Variants in SHISA6 observed in about 807,000 individuals in gnomAD.
SHISA6 encodes shisa family member 6, also known as protein shisa-6.
SHISA6 carries 22 observed loss-of-function variants against 47.9 expected under a neutral mutation model. The ratio of observed to expected loss-of-function variants is 0.46; its 90% confidence interval spans 0.33 to 0.66. The LOEUF (loss-of-function observed/expected upper bound fraction) is 0.66. Ranked by LOEUF, SHISA6 falls within the 30% of genes least tolerant of loss-of-function variation. The pLI is 0.02. For missense variants in SHISA6, 680 were observed against 764.6 expected (o/e 0.89, Z 1.30); for synonymous variants, 388 against 337.8 (o/e 1.15, Z -1.63).
chr17:11,331,964 T>C (rs143171842), intron 2 of SHISA6, among the ~76,000 whole-genome samples: 60 of 152,234 alleles, frequency 3.9e-4, no homozygotes, highest in Middle Eastern at 6.8e-3. Context: ...ACACTGCCGG[T>C]GGAGCGGAAT....
rs569371825 is a variant in SHISA6 at position 11,348,173 on chromosome 17, C to T, written c.800-31241C>T. ...GGTGAAACTGCATTTAATTGGGCCCCATTGCTTTGAAATTTGTGAAGGTCT... is the reference window on the plus strand; with the variant it reads ...GGTGAAACTGCATTTAATTGGGCCCTATTGCTTTGAAATTTGTGAAGGTCT... On this transcript the variant is annotated intron_variant, in intron 2 of 5. Transcript: ENST00000441885. Among the ~76,000 whole-genome samples the T allele has an allele frequency of 3.9e-5, 6 of 152,228 alleles. No individual in the cohort carries two copies. In the South Asian group the frequency reaches 1.2e-3, roughly 32 times the overall value.
chr17:11,403,355 A>C (rs1294522544), intron 3 of SHISA6, among the ~76,000 whole-genome samples: 1 of 152,190 alleles, frequency 6.6e-6, no homozygotes, highest in Non-Finnish European at 1.5e-5. Flanking sequence ...CCACAGAGCC[A>C]CTACACTGCA....
chr17:11,269,143 G>T (rs1221324388), intron 2 of SHISA6, among the ~76,000 whole-genome samples: 1 of 151,988 alleles, frequency 6.6e-6, no homozygotes, highest in Non-Finnish European at 1.5e-5. Context: ...CTGGGTTCAA[G>T]TGATTCTCCT....
chr17:11,461,166 G>A (rs1194555424), intron 3 of SHISA6, among the ~76,000 whole-genome samples: 1 of 152,150 alleles, frequency 6.6e-6, no homozygotes, highest in African/African-American at 2.4e-5. Flanking sequence ...AGGAGGCGGA[G>A]GCAGGCGGAT....
chr17:11,252,609 G>A (rs1025525821), intron 1 of SHISA6, among the ~76,000 whole-genome samples: 1 of 152,168 alleles, frequency 6.6e-6, no homozygotes, highest in African/African-American at 2.4e-5. Flanking sequence ...AGGCAGGTTG[G>A]TGGCCAAACA....
intron 3 of SHISA6, among the ~76,000 whole-genome samples, chr17:11,543,260 T>C (rs528466023): frequency 6.6e-6 from 1 of 152,242 alleles, no homozygotes; most frequent in Admixed American, 6.5e-5. Flanking sequence ...TGTATACATA[T>C]ATATAGAGAG....
intron 3 of SHISA6, among the ~76,000 whole-genome samples, chr17:11,415,837 T>G (rs1914265427): frequency 6.6e-6 from 1 of 152,324 alleles, no homozygotes; most frequent in South Asian, 2.1e-4. Flanking sequence ...TATGTTTGCC[T>G]TAGTGAGTTT....
Position 11,551,897 on chromosome 17 carries a change from T to A in SHISA6, c.897T>A (p.Gly299=). Residue 299 remains glycine (G), a splice_region_variant and synonymous_variant, in exon 4 of 6, where the codon GGT becomes GGA. Coordinates refer to ENST00000441885, the MANE Select transcript of SHISA6 (RefSeq NM_207386.4). ...AAATTTCTTTTCTATGATTTTCAGG[T>A]GATCATCAATATAACCATCCGATTT... ...FVTLGRGHTK[G]DHQYNHPILS... 1.9e-6 allele frequency: 3 copies of A among 1,551,664 alleles called. No individual in the cohort carries two copies. Among genetic ancestry groups the A allele is most frequent in the Non-Finnish European group, 2.6e-6 (3 of 1,146,956 alleles).
At chr17:11,506,009 C>G (rs898634682) in intron 3 of SHISA6, among the ~76,000 whole-genome samples, 1 of 152,136 alleles carries the variant, frequency 6.6e-6, no homozygotes, top group Non-Finnish European at 1.5e-5. Flanking sequence ...GAGTTTGGTT[C>G]TTAATTTGTA....
intron 3 of SHISA6, among the ~76,000 whole-genome samples, chr17:11,434,527 G>A (rs773879222): frequency 1.3e-5 from 2 of 152,130 alleles, no homozygotes; most frequent in South Asian, 2.1e-4. Flanking sequence ...TACTTTTACA[G>A]ATTTATAAAG....
chr17:11,379,405 T>G lies in SHISA6; in HGVS notation c.800-9T>G, dbSNP rs190772055. 6.5e-7 allele frequency: 1 copy of G among 1,534,830 alleles called. No individual in the cohort carries two copies. Among genetic ancestry groups the G allele is most frequent in the Non-Finnish European group, 8.8e-7 (1 of 1,138,652 alleles). On this transcript the variant is annotated splice_polypyrimidine_tract_variant and intron_variant, in intron 2 of 5. Transcript: ENST00000441885. ...ATGCGCCAGGTAATTCTGCCCCATC[T>G]TCTTGCAGGGCATTATGGGAAGGAT...
chr17:11,473,485 CAAAGAGAGGG>C (rs1317769145), intron 3 of SHISA6, among the ~76,000 whole-genome samples: 1 of 152,018 alleles, frequency 6.6e-6, no homozygotes, highest in African/African-American at 2.4e-5. Flanking sequence ...AGTAGAAGGG[CAAAGAGAGGG>C]TAAGAGAGGG....
rs141281861 is a variant in SHISA6 at position 11,499,044 on chromosome 17, A to C, written c.896-52852A>C. The stretch of plus-strand genomic sequence containing the variant: ...TGACAAGGGCACCTTATGAGCCTTC[A>C]GAGATTGGGCTGGGCTGCACCCTCA... On this transcript the variant is annotated intron_variant, in intron 3 of 5. Transcript: ENST00000441885. Among the ~76,000 whole-genome samples, 252 of 152,314 alleles carry C rather than the reference A, an allele frequency of 1.7e-3. 4 individuals carry two copies. The highest frequency in any genetic ancestry group is 5.8e-3 in the African/African-American group (243 of 41,572).
intron 3 of SHISA6, among the ~76,000 whole-genome samples, chr17:11,468,771 AGCACTTTGGGAG>A (rs1248283206): frequency 1.3e-5 from 2 of 152,132 alleles, no homozygotes; most frequent in Admixed American, 1.3e-4. Context: ...CTGTAATCCC[AGCACTTTGGGAG>A]GCCAAGGTGG....
Position 11,382,305 on chromosome 17 carries a change from C to G in SHISA6, c.895+2796C>G, listed in dbSNP as rs1208892914. Among the ~76,000 whole-genome samples, 3 of 152,212 alleles carry G rather than the reference C, an allele frequency of 2.0e-5. No homozygotes were observed. In the East Asian group the frequency reaches 5.8e-4, roughly 29 times the overall value. ...TGTTGCCCAGGCTGGTCTCAAACTC[C>G]TGGCCTCAAGTGATCCTTCCACCTT... is the stretch of plus-strand genomic sequence containing the variant. On this transcript the variant is annotated intron_variant, in intron 3 of 5. Transcript: ENST00000441885.
intron 2 of SHISA6, among the ~76,000 whole-genome samples, chr17:11,329,857 G>A (rs1673586217): frequency 6.6e-6 from 1 of 152,010 alleles, no homozygotes; most frequent in Non-Finnish European, 1.5e-5. Context: ...ATGTGTTCAA[G>A]CGCACCTGGA....
intron 3 of SHISA6, among the ~76,000 whole-genome samples, chr17:11,437,709 G>A (rs1914977692): frequency 6.6e-6 from 1 of 152,190 alleles, no homozygotes; most frequent in Admixed American, 6.5e-5. Context: ...GCACTCTGGT[G>A]CTTACATGGT....
chr17:11,398,325 T>G (rs1913644757), intron 3 of SHISA6, among the ~76,000 whole-genome samples: 1 of 152,220 alleles, frequency 6.6e-6, no homozygotes, highest in Non-Finnish European at 1.5e-5. Flanking sequence ...ATGGTGATGA[T>G]GATGATGAGG....
At chr17:11,295,887 C>T (rs775328247) in intron 2 of SHISA6, among the ~76,000 whole-genome samples, 15 of 150,020 alleles carry the variant, frequency 1.0e-4, no homozygotes, top group Admixed American at 5.4e-4. Flanking sequence ...CGCTTGAACC[C>T]GGGAGGTGGA....
Sources: allele counts gnomAD v4.1 joint callset (sites outside exome capture counted in the v4.1 genomes callset), GRCh38; gene constraint gnomAD v4.1.1; transcripts MANE v1.5; gene names NCBI Gene and HGNC (gene_info 2026-07-23, HGNC 2026-07-21).